Variants in MAP2K5 observed in about 807,000 individuals in gnomAD.
MAP2K5 encodes the protein mitogen-activated protein kinase kinase 5, also known as dual specificity mitogen-activated protein kinase kinase 5.
A neutral mutation model predicts 83.1 loss-of-function variants in MAP2K5; 49 were observed. That is an observed-to-expected ratio of 0.59 (90% confidence interval 0.47 to 0.75). The LOEUF (loss-of-function observed/expected upper bound fraction) is 0.75. Ranked by LOEUF, MAP2K5 falls within the 30% of genes least tolerant of loss-of-function variation. The pLI, the probability that MAP2K5 is intolerant of heterozygous loss-of-function variation, is 0.00. For synonymous variants in MAP2K5, 202 were observed against 191.8 expected, an observed-to-expected ratio of 1.05 and a Z score of -0.44; for missense variants, 457 against 557.5, an observed-to-expected ratio of 0.82 and a Z score of 1.82.
chr15:67,588,992 T>A (rs2085342202), intron 6 of MAP2K5, among the ~76,000 whole-genome samples: 1 of 151,698 alleles, frequency 6.6e-6, no homozygotes, highest in Non-Finnish European at 1.5e-5. Context: ...AGTGTTTTTT[T>A]TTTATTTTTT....
At position 67,793,282 on chromosome 15, in the gene MAP2K5, T is replaced by TA. The variant is rs201198413; in HGVS notation, c.1243-13355dup. On this transcript the variant is annotated intron_variant, in intron 21 of 21. Transcript: ENST00000178640. This position sits in a 1 kb window ranked among gnomAD's most constrained non-coding sequence, Gnocchi z 4.6. ...GGGCAACACTGTGAGACCTCATCTCTAAAAAAAAACAAAAAATTCTTTAGC... is the reference window on the plus strand; with the variant it reads ...GGGCAACACTGTGAGACCTCATCTCTAAAAAAAAAACAAAAAATTCTTTAGC... Among the ~76,000 whole-genome samples, 317 of 151,028 alleles carry TA rather than the reference T, an allele frequency of 2.1e-3. 3 individuals carry two copies. Among genetic ancestry groups the TA allele is most frequent in the South Asian group, 6.9e-3 (33 of 4,770 alleles).
intron 17 of MAP2K5, among the ~76,000 whole-genome samples, chr15:67,737,240 G>T (rs1311498394): frequency 6.6e-6 from 1 of 152,182 alleles, no homozygotes; most frequent in East Asian, 1.9e-4. Flanking sequence ...GGATCCCTGG[G>T]GGGAGAATGG....
chr15:67,704,623 C>T (rs750049127), intron 16 of MAP2K5, among the ~76,000 whole-genome samples: 1 of 152,126 alleles, frequency 6.6e-6, no homozygotes, highest in South Asian at 2.1e-4. Context: ...TCTTCTGCTT[C>T]TTCTTAAAAG....
intron 8 of MAP2K5, among the ~76,000 whole-genome samples, chr15:67,602,168 G>A (rs1018599829): frequency 6.6e-6 from 1 of 152,168 alleles, no homozygotes; most frequent in African/African-American, 2.4e-5. Context: ...CACTATAAAC[G>A]GTATCTTTTC....
chr15:67,658,524 G>T (rs759582270), intron 11 of MAP2K5, 29 bp from the exon 12 acceptor site: 2 of 1,564,860 alleles, frequency 1.3e-6, no homozygotes, highest in Non-Finnish European at 1.8e-6. Context: ...AATTTCATTT[G>T]TAGTAACATG....
intron 11 of MAP2K5, among the ~76,000 whole-genome samples, chr15:67,648,206 C>T (rs768109110): frequency 6.6e-6 from 1 of 152,170 alleles, no homozygotes; most frequent in Non-Finnish European, 1.5e-5. Flanking sequence ...AAAGAGACTT[C>T]CTACCTATTA....
At chr15:67,653,603 A>T (rs554559774) in intron 11 of MAP2K5, among the ~76,000 whole-genome samples, 160 of 151,598 alleles carry the variant, frequency 1.1e-3, no homozygotes, top group African/African-American at 3.5e-3. Flanking sequence ...GCTAAAAAAA[A>T]TTTTTTCATT....
rs571213810 is a variant in MAP2K5 at position 67,636,501 on chromosome 15, T to G, written c.585+5574T>G. Among the ~76,000 whole-genome samples the G allele has an allele frequency of 9.9e-4, 151 of 152,338 alleles. No individual in the cohort carries two copies. The highest frequency in any genetic ancestry group is 1.8e-3 in the Non-Finnish European group (120 of 68,028). On this transcript the variant is annotated intron_variant, in intron 9 of 21. Transcript: ENST00000178640. The surrounding 1 kb of genome is among the most constrained non-coding windows in gnomAD (Gnocchi z 4.7). The stretch of plus-strand genomic sequence containing the variant: ...CATATGTGTCATATCTGGATCAGTT[T>G]TGACTGATTCCTCTTCTCCTCACTT...
intron 2 of MAP2K5, among the ~76,000 whole-genome samples, chr15:67,558,744 TA>T (rs1297420216): frequency 1.3e-5 from 2 of 152,238 alleles, no homozygotes; most frequent in Non-Finnish European, 2.9e-5. Flanking sequence ...AGGGCCTTTG[TA>T]TTAGCTGCTG....
intron 21 of MAP2K5, among the ~76,000 whole-genome samples, chr15:67,805,556 G>A (rs1696285806): frequency 6.6e-6 from 1 of 152,126 alleles, no homozygotes; most frequent in Admixed American, 6.5e-5. Flanking sequence ...CTGTGCAGGT[G>A]GAGGACAGGC....
chr15:67,591,463 C>T (rs1352502405), intron 6 of MAP2K5, among the ~76,000 whole-genome samples: 1 of 151,508 alleles, frequency 6.6e-6, no homozygotes, highest in African/African-American at 2.4e-5. Flanking sequence ...CAAGCTCTGC[C>T]TCCTGGGTTC....
intron 13 of MAP2K5, among the ~76,000 whole-genome samples, chr15:67,683,261 G>A (rs8042567): frequency 0.38 from 57,224 of 152,064 alleles, 12,196 homozygotes; most frequent in Non-Finnish European, 0.5. Context: ...TTATGCAAGA[G>A]ATAACAAAAT....
intron 15 of MAP2K5, among the ~76,000 whole-genome samples, chr15:67,700,365 T>G (rs1163631474): frequency 6.6e-6 from 1 of 152,218 alleles, no homozygotes; most frequent in East Asian, 1.9e-4. Context: ...TCATTTAACC[T>G]CACTACAAAG....
At chr15:67,762,889 G>A (rs2089975970) in intron 19 of MAP2K5, among the ~76,000 whole-genome samples, 1 of 152,160 alleles carries the variant, frequency 6.6e-6, no homozygotes, top group Non-Finnish European at 1.5e-5. Context: ...TTTACCCCGT[G>A]GTTCCAGGCC....
intron 8 of MAP2K5, among the ~76,000 whole-genome samples, chr15:67,630,205 G>A (rs62016180): frequency 1.3e-5 from 2 of 152,206 alleles, no homozygotes; most frequent in Non-Finnish European, 2.9e-5. Context: ...CTGTGTTCCA[G>A]CCTAGGTGTC....
intron 21 of MAP2K5, among the ~76,000 whole-genome samples, chr15:67,798,625 T>G (rs1256627416): frequency 1.3e-5 from 2 of 152,196 alleles, no homozygotes; most frequent in Non-Finnish European, 2.9e-5. Flanking sequence ...TCTGCTCAGA[T>G]GAAAAGTGGA....
At chr15:67,741,533 C>G (rs2089492145) in intron 17 of MAP2K5, among the ~76,000 whole-genome samples, 1 of 152,104 alleles carries the variant, frequency 6.6e-6, no homozygotes, top group South Asian at 2.1e-4. Context: ...TTCATTGGAC[C>G]AGTTCAACTC....
rs570338226 is a variant in MAP2K5, at chr15:67,778,445, T to C, written c.1242+5693T>C. Among the ~76,000 whole-genome samples the C allele has an allele frequency of 6.6e-6, 1 of 152,314 alleles. No homozygotes were observed. Among genetic ancestry groups the C allele is most frequent in the South Asian group, 2.1e-4 (1 of 4,824 alleles). On this transcript the variant is annotated intron_variant, in intron 21 of 21. Transcript: ENST00000178640. The surrounding 1 kb of genome is among the most constrained non-coding windows in gnomAD (Gnocchi z 5.0). ...TGTTAGACCCAAATCTTCTGATCAC[T>C]GTGAAAGACAAAATGCACTGGACAA... is the stretch of plus-strand genomic sequence containing the variant.
intron 11 of MAP2K5, among the ~76,000 whole-genome samples, chr15:67,650,984 G>A (rs2086938596): frequency 6.6e-6 from 1 of 152,196 alleles, no homozygotes; most frequent in Admixed American, 6.5e-5. Context: ...GAAGGCCAAG[G>A]CAGGTGGATC....
Sources: allele counts gnomAD v4.1 joint callset (sites outside exome capture counted in the v4.1 genomes callset), GRCh38; gene constraint gnomAD v4.1.1; non-coding constraint Gnocchi (gnomAD v3.1); transcripts MANE v1.5; gene names NCBI Gene and HGNC (gene_info 2026-07-23, HGNC 2026-07-21).